Variants in TNF observed in about 807,000 individuals in gnomAD.
TNF encodes APC1 protein.
In TNF, 7 loss-of-function variants were observed where a neutral mutation model predicts 21.8. That is an observed-to-expected ratio of 0.32 (90% CI 0.18 to 0.60). TNF has a LOEUF of 0.60. Among genes scored for constraint, TNF ranks in the 20% least tolerant of loss-of-function variants. The pLI, the probability that TNF is intolerant of heterozygous loss-of-function variation, is 0.84. For synonymous variants in TNF, 123 were observed against 130.2 expected, an observed-to-expected ratio of 0.94 and a Z score of 0.38; for missense variants, 216 against 296.6, an observed-to-expected ratio of 0.73 and a Z score of 2.00.
chr6:31,576,705 TA>T, intron 2 of TNF, 61 bp from the exon 3 acceptor site: 1 of 1,477,190 alleles, frequency 6.8e-7, no homozygotes, highest in Non-Finnish European at 9.2e-7. Context: ...GAGGTGAAAG[TA>T]GGGGGGTATT....
chr6:31,577,270 C>G lies in TNF; in HGVS notation c.435C>G (p.Cys145Trp). ...YSQVLFKGQGCPSTHVLLTHT... is the reference protein window; with the variant it reads ...YSQVLFKGQGWPSTHVLLTHT... ...AGGTCCTCTTCAAGGGCCAAGGCTG[C>G]CCCTCCACCCATGTGCTCCTCACCC... The change falls in exon 4 of 4, where the codon TGC becomes TGG. Residue 145 changes from cysteine (C) to tryptophan (W), a missense_variant. By Grantham distance (215) the Cys-to-Trp change is radical. Around this residue, in one of 2 missense-constraint regions of TNF, gnomAD observed 98 missense variants for 169.6 expected, o/e 0.58. Transcript: ENST00000449264. This position sits in a 1 kb window ranked among gnomAD's most constrained non-coding sequence, Gnocchi z 7.7. 1 of 1,613,194 alleles carries G rather than the reference C, an allele frequency of 6.2e-7. No homozygotes were observed. Among genetic ancestry groups the G allele is most frequent in the Non-Finnish European group, 8.5e-7 (1 of 1,180,032 alleles).
rs1236065202 is a variant in TNF at position 31,577,729 on chromosome 6, C to T, written c.*192C>T. On this transcript the variant is annotated 3_prime_UTR_variant, in exon 4 of 4. Transcript: ENST00000449264. This position sits in a 1 kb window ranked among gnomAD's most constrained non-coding sequence, Gnocchi z 7.7. The stretch of plus-strand genomic sequence containing the variant: ...GGGATTCAGGAATGTGTGGCCTGCA[C>T]AGTGAAGTGCTGGCAACCACTAAGA... The T allele has an allele frequency of 2.8e-6, 2 of 719,652 alleles. No individual in the cohort carries two copies. The highest frequency in any genetic ancestry group is 2.4e-6 in the Non-Finnish European group (1 of 418,448). 44.6% of individuals were successfully genotyped at this position (719,652 alleles called of 1,614,324 possible).
chr6:31,577,598 T>A lies in TNF; in HGVS notation c.*61T>A. 6.3e-7 allele frequency: 1 copy of A among 1,593,300 alleles called. No homozygotes were observed. Among genetic ancestry groups the A allele is most frequent in the Non-Finnish European group, 8.6e-7 (1 of 1,164,602 alleles). ...CTGCCCCAATCCCTTTATTACCCCC[T>A]CCTTCAGACACCCTCAACCTCTTCT... On this transcript the variant is annotated 3_prime_UTR_variant, in exon 4 of 4. Coordinates refer to ENST00000449264, the MANE Select transcript of TNF (RefSeq NM_000594.4). This position sits in a 1 kb window ranked among gnomAD's most constrained non-coding sequence, Gnocchi z 7.7.
intron 3 of TNF, 63 bp downstream of exon 3, chr6:31,576,877 C>A: frequency 6.3e-7 from 1 of 1,580,598 alleles, no homozygotes; most frequent in East Asian, 2.2e-5. Flanking sequence ...TGAAGCCCGG[C>A]TGATGGTAGG....
chr6:31,576,609 C>CTGGGTT (rs780604770), intron 2 of TNF, 30 bp downstream of exon 2: 1 of 1,609,606 alleles, frequency 6.2e-7, no homozygotes, highest in Non-Finnish European at 8.5e-7. Flanking sequence ...TTTCCTAATT[C>CTGGGTT]TGGGTTTGGG....
chr6:31,576,854 A>T (rs1771205736), intron 3 of TNF, 40 bp downstream of exon 3: 1 of 1,609,810 alleles, frequency 6.2e-7, no homozygotes, highest in South Asian at 1.1e-5. Context: ...TTGGAGGGCT[A>T]GGATTTGGGG....
Position 31,577,088 on chromosome 6 carries a change from T to A in TNF, c.281-28T>A. The A allele has an allele frequency of 6.3e-7, 1 of 1,574,870 alleles. No homozygotes were observed. The highest frequency in any genetic ancestry group is 8.6e-7 in the Non-Finnish European group (1 of 1,161,846). On this transcript the variant is annotated intron_variant, in intron 3 of 3. Coordinates refer to ENST00000449264, the MANE Select transcript of TNF (RefSeq NM_000594.4). This position sits in a 1 kb window ranked among gnomAD's most constrained non-coding sequence, Gnocchi z 7.7. ...AGTGAACCGACATGGCCACACTGAC[T>A]CTCCTCTCCCTCTCTCCCTCCCTCC...
Position 31,575,993 on chromosome 6 carries a change from G to C in TNF, c.186+66G>C, listed in dbSNP as rs530204623. 3.6e-6 allele frequency: 5 copies of C among 1,408,326 alleles called. No homozygotes were observed. The highest frequency in any genetic ancestry group is 4.7e-6 in the Non-Finnish European group (5 of 1,069,884). The allele number at this position is 1,408,326 out of a possible 1,614,324, so 87.2% of individuals were successfully genotyped here. On this transcript the variant is annotated intron_variant, in intron 1 of 3. Coordinates refer to ENST00000449264, the MANE Select transcript of TNF (RefSeq NM_000594.4). The surrounding 1 kb of genome is among the most constrained non-coding windows in gnomAD (Gnocchi z 6.2). Reference sequence around the variant, plus strand: ...GGGAAATGGAGACGCAAGAGAGGGAGAGAGATGGGATGGGTGAAAGATGTG... The same window carrying C: ...GGGAAATGGAGACGCAAGAGAGGGACAGAGATGGGATGGGTGAAAGATGTG...
chr6:31,576,511 A>G, intron 1 of TNF, 23 bp from the exon 2 acceptor site: 1 of 1,612,868 alleles, frequency 6.2e-7, no homozygotes, highest in Non-Finnish European at 8.5e-7. Flanking sequence ...CTCGATGTTA[A>G]CCATTCTCCT....
In TNF at chr6:31,577,004, G is replaced by A; in HGVS notation, c.281-112G>A. ...TGGCCAGGTGGGATGTGGGATGACA[G>A]ACAGAGAGGACAGGAACCGGATGTG... On this transcript the variant is annotated intron_variant, in intron 3 of 3. Transcript: ENST00000449264. The surrounding 1 kb of genome is among the most constrained non-coding windows in gnomAD (Gnocchi z 7.7). The A allele has an allele frequency of 7.0e-7, 1 of 1,435,694 alleles. No homozygotes were observed. The allele number at this position is 1,435,694 out of a possible 1,614,324, so 88.9% of individuals were successfully genotyped here.
Position 31,577,688 on chromosome 6 carries a change from C to G in TNF, c.*151C>G. The G allele has an allele frequency of 2.1e-6, 2 of 948,788 alleles. No homozygotes were observed. Among genetic ancestry groups the G allele is most frequent in the Non-Finnish European group, 3.3e-6 (2 of 611,264 alleles). The allele number at this position is 948,788 out of a possible 1,614,324, so 58.8% of individuals were successfully genotyped here. ...AGCTTAGAACTTTAAGCAACAAGAC[C>G]ACCACTTCGAAACCTGGGATTCAGG... On this transcript the variant is annotated 3_prime_UTR_variant, in exon 4 of 4. Transcript: ENST00000449264. This position sits in a 1 kb window ranked among gnomAD's most constrained non-coding sequence, Gnocchi z 7.7.
rs538552423 is a variant in TNF, at chr6:31,575,682, G to T, written c.-60G>T. On this transcript the variant is annotated 5_prime_UTR_variant, in exon 1 of 4. Transcript: ENST00000449264. This position sits in a 1 kb window ranked among gnomAD's most constrained non-coding sequence, Gnocchi z 6.2. ...CATCCCCTGACAAGCTGCCAGGCAG[G>T]TTCTCTTCCTCTCACATACTGACCC... 23 of 1,447,820 alleles carry T rather than the reference G, an allele frequency of 1.6e-5. No homozygotes were observed. Among genetic ancestry groups the T allele is most frequent in the East Asian group, 1.0e-4 (4 of 40,150 alleles). 89.7% of individuals were successfully genotyped at this position (1,447,820 alleles called of 1,614,324 possible).
chr6:31,577,235 A>G lies in TNF; in HGVS notation c.400A>G (p.Ile134Val). The G allele has an allele frequency of 1.2e-6, 2 of 1,613,132 alleles. No individual in the cohort carries two copies. Among genetic ancestry groups the G allele is most frequent in the Non-Finnish European group, 1.7e-6 (2 of 1,180,024 alleles). Residue 134 changes from isoleucine (I) to valine (V), a missense_variant, in exon 4 of 4, where the codon ATC becomes GTC. This residue lies in a region of TNF where 98 missense variants were observed against 169.6 expected (regional missense o/e 0.58). Transcript: ENST00000449264. The surrounding 1 kb of genome is among the most constrained non-coding windows in gnomAD (Gnocchi z 7.7). Reference sequence around the variant, plus strand: ...GGTGCCATCAGAGGGCCTGTACCTCATCTACTCCCAGGTCCTCTTCAAGGG... The same window carrying G: ...GGTGCCATCAGAGGGCCTGTACCTCGTCTACTCCCAGGTCCTCTTCAAGGG... The part of the protein sequence containing the change: ...LVVPSEGLYL[I>V]YSQVLFKGQG...
rs777545571 is a variant in TNF at position 31,577,467 on chromosome 6, A to G, written c.632A>G (p.Glu211Gly). The G allele has an allele frequency of 2.5e-6, 4 of 1,613,122 alleles. No homozygotes were observed. The highest frequency in any genetic ancestry group is 2.5e-6 in the Non-Finnish European group (3 of 1,180,046). ...QLEKGDRLSAEINRPDYLDFA... is the reference protein window; with the variant it reads ...QLEKGDRLSAGINRPDYLDFA... ...GAGAAGGGTGACCGACTCAGCGCTG[A>G]GATCAATCGGCCCGACTATCTCGAC... Residue 211 changes from glutamate (E) to glycine (G), a missense_variant, in exon 4 of 4, where the codon GAG becomes GGG. This residue lies in a region of TNF where 98 missense variants were observed against 169.6 expected (regional missense o/e 0.58). Coordinates refer to ENST00000449264, the MANE Select transcript of TNF (RefSeq NM_000594.4). This position sits in a 1 kb window ranked among gnomAD's most constrained non-coding sequence, Gnocchi z 7.7.
At position 31,575,760 on chromosome 6, in the gene TNF, A is replaced by G; in HGVS notation, c.19A>G (p.Ile7Val). Residue 7 changes from isoleucine to valine, a missense_variant, in exon 1 of 4, where the codon ATC becomes GTC. By Grantham distance (29) the Ile-to-Val change is conservative. Transcript: ENST00000449264. The surrounding 1 kb of genome is among the most constrained non-coding windows in gnomAD (Gnocchi z 6.2). ...GGACACCATGAGCACTGAAAGCATGATCCGGGACGTGGAGCTGGCCGAGGA... is the reference window on the plus strand; with the variant it reads ...GGACACCATGAGCACTGAAAGCATGGTCCGGGACGTGGAGCTGGCCGAGGA... MSTESM[I>V]RDVELAEEAL... 1 of 1,600,042 alleles carries G rather than the reference A, an allele frequency of 6.2e-7. No homozygotes were observed. Among genetic ancestry groups the G allele is most frequent in the Middle Eastern group, 1.7e-4 (1 of 5,980 alleles).
chr6:31,576,157 G>A (rs1023301590), intron 1 of TNF, among the ~76,000 whole-genome samples: 1 of 152,072 alleles, frequency 6.6e-6, no homozygotes, highest in Non-Finnish European at 1.5e-5. Context: ...CTCACTAAGT[G>A]TGTATGGAGT....
Position 31,575,921 on chromosome 6 carries a change from G to C in TNF, c.180G>C (p.Arg60Ser). 1 of 1,548,170 alleles carries C rather than the reference G, an allele frequency of 6.5e-7. No homozygotes were observed. Among genetic ancestry groups the C allele is most frequent in the Non-Finnish European group, 8.7e-7 (1 of 1,145,912 alleles). ...LLHFGVIGPQ[R>S]EEFPRDLSLI... ...ACTTTGGAGTGATCGGCCCCCAGAGGGAAGAGGTGAGTGCCTGGCCAGCCT... is the reference window on the plus strand; with the variant it reads ...ACTTTGGAGTGATCGGCCCCCAGAGCGAAGAGGTGAGTGCCTGGCCAGCCT... The change falls in exon 1 of 4, where the codon AGG becomes AGC. Residue 60 changes from arginine to serine, a missense_variant. Physicochemically the swap from Arg to Ser is moderately radical, Grantham distance 110. This residue lies in a region of TNF where 118 missense variants were observed against 127.1 expected (regional missense o/e 0.93). Transcript: ENST00000449264. This position sits in a 1 kb window ranked among gnomAD's most constrained non-coding sequence, Gnocchi z 6.2.
chr6:31,577,545 G>C lies in TNF; in HGVS notation c.*8G>C. 1 of 1,613,020 alleles carries C rather than the reference G, an allele frequency of 6.2e-7. No individual in the cohort carries two copies. Among genetic ancestry groups the C allele is most frequent in the Non-Finnish European group, 8.5e-7 (1 of 1,180,020 alleles). On this transcript the variant is annotated 3_prime_UTR_variant, in exon 4 of 4. Coordinates refer to ENST00000449264, the MANE Select transcript of TNF (RefSeq NM_000594.4). This position sits in a 1 kb window ranked among gnomAD's most constrained non-coding sequence, Gnocchi z 7.7. ...GGGATCATTGCCCTGTGAGGAGGAC[G>C]AACATCCAACCTTCCCAAACGCCTC...
chr6:31,576,977 C>T, intron 3 of TNF, 139 bp from the exon 4 acceptor site: 2 of 1,367,968 alleles, frequency 1.5e-6, no homozygotes, highest in African/African-American at 1.4e-5. Flanking sequence ...CTCAGAACGT[C>T]ATGGCCAGGT....
Sources: allele counts gnomAD v4.1 joint callset (sites outside exome capture counted in the v4.1 genomes callset), GRCh38; gene constraint gnomAD v4.1.1; regional missense constraint gnomAD v4.1.1; non-coding constraint Gnocchi (gnomAD v3.1); transcripts MANE v1.5; gene names NCBI Gene and HGNC (gene_info 2026-07-23, HGNC 2026-07-21).